The following NATD1 variants were observed in gnomAD, a reference collection of about 807,000 sequenced individuals.
NATD1 encodes the protein protein NATD1.
A neutral mutation model predicts 12.0 loss-of-function variants in NATD1; 9 were observed. The observed-to-expected ratio is 0.75, with a 90% CI of 0.45 to 1.30. The LOEUF is 1.30. NATD1 is among the 50% of genes most tolerant of loss of function. The pLI is 0.00. For missense variants in NATD1, 148 were observed against 148.5 expected (o/e 1.00, Z 0.02); for synonymous variants, 71 against 65.9 (o/e 1.08, Z -0.37).
At position 21,242,195 on chromosome 17, in the gene NATD1, G is replaced by A. The variant is rs2144355294; in HGVS notation, c.*1118C>T. On this transcript the variant is annotated 3_prime_UTR_variant, in exon 3 of 3. Transcript: ENST00000611551. Reference sequence around the variant, plus strand: ...AGGGCGGGACCTGAGTCAGCCCCAGGGGAAGCCAGCATGCCCTGGAAAGGC... The same window carrying A: ...AGGGCGGGACCTGAGTCAGCCCCAGAGGAAGCCAGCATGCCCTGGAAAGGC... The A allele has an allele frequency of 1.3e-5, 2 of 152,434 alleles. No homozygotes were observed. Among genetic ancestry groups the A allele is most frequent in the East Asian group, 1.9e-4 (1 of 5,172 alleles). The allele number at this position is 152,434 out of a possible 1,614,324, so 9.4% of individuals were successfully genotyped here. A position where few individuals can be genotyped will look rare whatever the true frequency, so the allele number is the denominator to read the frequency against.
At chr17:21,251,324 C>T (rs1474556945) in intron 1 of NATD1, among the ~76,000 whole-genome samples, 1 of 151,936 alleles carries the variant, frequency 6.6e-6, no homozygotes, top group African/African-American at 2.4e-5. Context: ...AACGTATCCC[C>T]TCTTCTTTCT....
chr17:21,250,717 A>G (rs1975367332), intron 1 of NATD1, among the ~76,000 whole-genome samples: 2 of 152,212 alleles, frequency 1.3e-5, no homozygotes, highest in Non-Finnish European at 2.9e-5. Context: ...CCAGGTGCCC[A>G]GGGCCTCCTA....
chr17:21,240,616 A>G lies in NATD1; in HGVS notation c.*2697T>C, dbSNP rs1431485574. 1.3e-5 allele frequency: 2 copies of G among 152,604 alleles called. No homozygotes were observed. The highest frequency in any genetic ancestry group is 2.9e-5 in the Non-Finnish European group (2 of 68,092). The allele number at this position is 152,604 out of a possible 1,614,324, so 9.5% of individuals were successfully genotyped here. On this transcript the variant is annotated 3_prime_UTR_variant, in exon 3 of 3. Coordinates refer to ENST00000611551, the MANE Select transcript of NATD1 (RefSeq NM_152914.3). Reference sequence around the variant, plus strand: ...TCACTGCCTATTTTGACCCGGCAAGAAATACAAACCCACAGGGTGAGGCGG... The same window carrying G: ...TCACTGCCTATTTTGACCCGGCAAGGAATACAAACCCACAGGGTGAGGCGG...
At position 21,243,174 on chromosome 17, in the gene NATD1, C is replaced by A; in HGVS notation, c.*139G>T. 2 of 654,598 alleles carry A rather than the reference C, an allele frequency of 3.1e-6. No homozygotes were observed. Among genetic ancestry groups the A allele is most frequent in the Non-Finnish European group, 5.2e-6 (2 of 385,924 alleles). 40.5% of individuals were successfully genotyped at this position (654,598 alleles called of 1,614,324 possible). On this transcript the variant is annotated 3_prime_UTR_variant, in exon 3 of 3. Transcript: ENST00000611551. The stretch of plus-strand genomic sequence containing the variant: ...GGTCAGCTGCCTCCAGGGATCTGGA[C>A]GTGGGGCACAGATGAGTGTCCTTAC...
At chr17:21,248,430 C>CTCTA (rs1975345803) in intron 1 of NATD1, among the ~76,000 whole-genome samples, 1 of 152,180 alleles carries the variant, frequency 6.6e-6, no homozygotes, top group African/African-American at 2.4e-5. Flanking sequence ...GCCTGGGGTC[C>CTCTA]AGCTGCCTCT....
rs945167158 is a variant in NATD1, at chr17:21,243,096, C to T, written c.*217G>A. On this transcript the variant is annotated 3_prime_UTR_variant, in exon 3 of 3. Transcript: ENST00000611551. The stretch of plus-strand genomic sequence containing the variant: ...CTGGTCTCTGCAGAGTGAGAGGTGC[C>T]GGGACTACCTGGCCTCCTTGCCGCC... The T allele has an allele frequency of 6.0e-5, 31 of 515,324 alleles. No homozygotes were observed. The highest frequency in any genetic ancestry group is 3.1e-4 in the South Asian group (13 of 42,248). 31.9% of individuals were successfully genotyped at this position (515,324 alleles called of 1,614,324 possible). A position where few individuals can be genotyped will look rare whatever the true frequency, so the allele number is the denominator to read the frequency against.
At chr17:21,251,450 G>A (rs539261460) in intron 1 of NATD1, among the ~76,000 whole-genome samples, 2 of 152,228 alleles carry the variant, frequency 1.3e-5, no homozygotes, top group African/African-American at 4.8e-5. Context: ...CCAGGGCCCC[G>A]AGTGTCCTGG....
At position 21,243,041 on chromosome 17, in the gene NATD1, C is replaced by T. The variant is rs114770397; in HGVS notation, c.*272G>A. 6,455 of 377,448 alleles carry T rather than the reference C, an allele frequency of 0.017. 368 individuals carry two copies. Among genetic ancestry groups the T allele is most frequent in the African/African-American group, 0.12 (5,848 of 49,696 alleles). 23.4% of individuals were successfully genotyped at this position (377,448 alleles called of 1,614,324 possible). On this transcript the variant is annotated 3_prime_UTR_variant, in exon 3 of 3. Coordinates refer to ENST00000611551, the MANE Select transcript of NATD1 (RefSeq NM_152914.3). ...GGATGCAGGCTGGCTCTAGCCCCTA[C>T]GTGTGACCCACAGGCCTCCCACGAA... is the stretch of plus-strand genomic sequence containing the variant.
At chr17:21,251,296 A>T (rs1975373133) in intron 1 of NATD1, among the ~76,000 whole-genome samples, 1 of 149,376 alleles carries the variant, frequency 6.7e-6, no homozygotes, top group Non-Finnish European at 1.5e-5. Flanking sequence ...AGAAAAAGAA[A>T]AAAAAAAAAA....
intron 1 of NATD1, among the ~76,000 whole-genome samples, chr17:21,250,979 G>A (rs1247087356): frequency 6.6e-6 from 1 of 152,152 alleles, no homozygotes; most frequent in African/African-American, 2.4e-5. Context: ...CCTCAGCTCA[G>A]GGAGGCCTGG....
chr17:21,243,008 G>A lies in NATD1; in HGVS notation c.*305C>T, dbSNP rs1405619528. ...TCCTGCTGATCTCCAAGTGGAGCCC[G>A]GTGGGCAGGATGCAGGCTGGCTCTA... On this transcript the variant is annotated 3_prime_UTR_variant, in exon 3 of 3. Coordinates refer to ENST00000611551, the MANE Select transcript of NATD1 (RefSeq NM_152914.3). The A allele has an allele frequency of 3.8e-6, 1 of 260,432 alleles. No individual in the cohort carries two copies. The highest frequency in any genetic ancestry group is 1.2e-3 in the Middle Eastern group (1 of 846). 16.1% of individuals were successfully genotyped at this position (260,432 alleles called of 1,614,324 possible).
At chr17:21,243,729 C>A (rs566401277) in intron 2 of NATD1, among the ~76,000 whole-genome samples, 51 of 152,280 alleles carry the variant, frequency 3.3e-4, no homozygotes, top group Non-Finnish European at 6.2e-4. Flanking sequence ...GCAGACGGCC[C>A]AGCTAAGTCC....
At chr17:21,249,836 G>C (rs769579841) in intron 1 of NATD1, among the ~76,000 whole-genome samples, 1 of 152,220 alleles carries the variant, frequency 6.6e-6, no homozygotes, top group Non-Finnish European at 1.5e-5. Context: ...CCTACAGGCT[G>C]TGCGCCTTGG....
At chr17:21,250,850 C>T (rs896638007) in intron 1 of NATD1, among the ~76,000 whole-genome samples, 7 of 152,194 alleles carry the variant, frequency 4.6e-5, no homozygotes, top group African/African-American at 1.4e-4. Context: ...ACTTCTGCAC[C>T]AGGAGCCTGG....
rs962627576 is a variant in NATD1, at chr17:21,239,484, C to G, written c.*3829G>C. The stretch of plus-strand genomic sequence containing the variant: ...GCATGTCCCGGGACTGCTGTGAAAA[C>G]GAAGTGGAGTAAGATTGCAACGGGG... On this transcript the variant is annotated 3_prime_UTR_variant, in exon 3 of 3. Transcript: ENST00000611551. The G allele has an allele frequency of 6.6e-6, 1 of 152,132 alleles. No homozygotes were observed. Among genetic ancestry groups the G allele is most frequent in the Non-Finnish European group, 1.5e-5 (1 of 68,066 alleles). 9.4% of individuals were successfully genotyped at this position (152,132 alleles called of 1,614,324 possible).
At chr17:21,248,233 C>T (rs1006279615) in intron 1 of NATD1, among the ~76,000 whole-genome samples, 1 of 152,174 alleles carries the variant, frequency 6.6e-6, no homozygotes, top group African/African-American at 2.4e-5. Flanking sequence ...AAGTGTTACA[C>T]CCATGACACA....
chr17:21,251,613 G>A (rs1280220484), intron 1 of NATD1, among the ~76,000 whole-genome samples: 1 of 152,188 alleles, frequency 6.6e-6, no homozygotes, highest in Non-Finnish European at 1.5e-5. Flanking sequence ...AACACGGGGT[G>A]GTATGTCACA....
intron 1 of NATD1, among the ~76,000 whole-genome samples, chr17:21,247,836 C>A (rs1257730126): frequency 6.6e-6 from 1 of 152,180 alleles, no homozygotes; most frequent in Non-Finnish European, 1.5e-5. Flanking sequence ...ATCCACAGTG[C>A]CCAGAAGTGA....
intron 1 of NATD1, 89 bp downstream of exon 1, chr17:21,253,070 G>T (rs1330957268): frequency 6.2e-6 from 4 of 640,882 alleles, no homozygotes; most frequent in East Asian, 1.3e-4. Flanking sequence ...CCGCGGGCGC[G>T]CGGGGGACAG....
Sources: gnomAD v4.1 joint callset for allele counts (sites outside exome capture counted in the v4.1 genomes callset) on GRCh38, gnomAD v4.1.1 for gene constraint, MANE v1.5 for transcripts, NCBI Gene and HGNC (gene_info 2026-07-23, HGNC 2026-07-21) for gene names.